Variants in DGKI observed in about 807,000 individuals in gnomAD.
DGKI encodes the protein diacylglycerol kinase iota.
In DGKI, 55 loss-of-function variants were observed where a neutral mutation model predicts 147.5. That is an observed-to-expected ratio of 0.37 (90% confidence interval 0.30 to 0.47). The LOEUF is 0.47. DGKI is among the 20% of genes least tolerant of loss of function. The pLI, the probability that DGKI is intolerant of heterozygous loss-of-function variation, is 1.00. For missense variants in DGKI, 1,007 were observed against 1,323.8 expected (o/e 0.76, Z 3.71); for synonymous variants, 469 against 477.1 (o/e 0.98, Z 0.22).
chr7:137,477,953 G>A (rs767716505), intron 23 of DGKI, among the ~76,000 whole-genome samples: 4 of 152,170 alleles, frequency 2.6e-5, no homozygotes, highest in East Asian at 1.9e-4. Context: ...GAGCCACTGC[G>A]CCCAGCTACA....
chr7:137,590,427 C>A (rs1819568285), intron 12 of DGKI, among the ~76,000 whole-genome samples: 1 of 152,190 alleles, frequency 6.6e-6, no homozygotes, highest in South Asian at 2.1e-4. Context: ...ATAGAAAAAC[C>A]CAGCTCTCAT....
intron 1 of DGKI, among the ~76,000 whole-genome samples, chr7:137,738,033 A>G (rs1043708384): frequency 6.6e-6 from 1 of 152,180 alleles, no homozygotes; most frequent in Non-Finnish European, 1.5e-5. Flanking sequence ...CTTTATTAAG[A>G]GTTTTCATGT....
In DGKI at chr7:137,476,218, G is replaced by A. The variant is rs138623630; in HGVS notation, c.2374-6599C>T. Among the ~76,000 whole-genome samples, 893 of 152,206 alleles carry A rather than the reference G, an allele frequency of 5.9e-3. 13 individuals carry two copies. The highest frequency in any genetic ancestry group is 8.5e-3 in the Admixed American group (130 of 15,288). On this transcript the variant is annotated intron_variant, in intron 23 of 32. Transcript: ENST00000614521. Reference sequence around the variant, plus strand: ...TCTTAGTCTTCCACCTACAGCTTCTGCCCTGACTCATCTCCACTGTCTGGC... The same window carrying A: ...TCTTAGTCTTCCACCTACAGCTTCTACCCTGACTCATCTCCACTGTCTGGC...
intron 2 of DGKI, among the ~76,000 whole-genome samples, chr7:137,686,723 G>A (rs1396924719): frequency 1.3e-5 from 2 of 152,186 alleles, no homozygotes; most frequent in Admixed American, 1.3e-4. Flanking sequence ...AAGTGCAGGT[G>A]CCTATAGTCT....
At chr7:137,807,881 T>A (rs1797431037) in intron 1 of DGKI, among the ~76,000 whole-genome samples, 1 of 151,940 alleles carries the variant, frequency 6.6e-6, no homozygotes, top group Non-Finnish European at 1.5e-5. Context: ...TGACCATGTC[T>A]CCCCCACTCA....
chr7:137,531,375 C>T (rs1585203896), intron 20 of DGKI, among the ~76,000 whole-genome samples: 1 of 152,118 alleles, frequency 6.6e-6, no homozygotes, highest in Non-Finnish European at 1.5e-5. Context: ...GATTCTATCA[C>T]AAAACACTAA....
rs1731951 is a variant in DGKI, at chr7:137,391,101, T to G, written c.*119A>C. 1 of 821,614 alleles carries G rather than the reference T, an allele frequency of 1.2e-6. No individual in the cohort carries two copies. The highest frequency in any genetic ancestry group is 2.1e-6 in the Non-Finnish European group (1 of 475,984). The allele number at this position is 821,614 out of a possible 1,614,324, so 50.9% of individuals were successfully genotyped here. A position where few individuals can be genotyped will look rare whatever the true frequency, so the allele number is the denominator to read the frequency against. On this transcript the variant is annotated 3_prime_UTR_variant, in exon 33 of 33. Coordinates refer to ENST00000614521, the MANE Select transcript of DGKI (RefSeq NM_001321708.2). ...AGCTAGTGGCATGGTCTCAGGTAGATTCTTGCAGGAGAGAGACAGATATAT... is the reference window on the plus strand; with the variant it reads ...AGCTAGTGGCATGGTCTCAGGTAGAGTCTTGCAGGAGAGAGACAGATATAT...
chr7:137,552,774 G>A (rs1394501871), intron 19 of DGKI, among the ~76,000 whole-genome samples: 1 of 151,216 alleles, frequency 6.6e-6, no homozygotes, highest in African/African-American at 2.5e-5. Context: ...AAAAAGCTGG[G>A]CATGGTGGCA....
chr7:137,458,103 C>T (rs1814275882), intron 27 of DGKI, among the ~76,000 whole-genome samples: 1 of 152,272 alleles, frequency 6.6e-6, no homozygotes, highest in South Asian at 2.1e-4. Context: ...TGCCTGACTT[C>T]AGTCACTGAA....
At chr7:137,754,848 G>C (rs1286929584) in intron 1 of DGKI, among the ~76,000 whole-genome samples, 2 of 152,202 alleles carry the variant, frequency 1.3e-5, no homozygotes, top group Non-Finnish European at 2.9e-5. Context: ...ACTCACAGCA[G>C]AGGGGTGGGA....
chr7:137,435,070 G>A (rs751412909), intron 28 of DGKI, among the ~76,000 whole-genome samples: 49 of 152,096 alleles, frequency 3.2e-4, no homozygotes, highest in Non-Finnish European at 6.0e-4. Context: ...TATTAATGAG[G>A]CTGCAATGGG....
At chr7:137,781,853 C>G (rs926380302) in intron 1 of DGKI, among the ~76,000 whole-genome samples, 1 of 152,178 alleles carries the variant, frequency 6.6e-6, no homozygotes, top group Admixed American at 6.5e-5. Context: ...ATGATGGCAT[C>G]CTACGAGTTG....
chr7:137,482,078 A>G (rs1052808898), intron 23 of DGKI, among the ~76,000 whole-genome samples: 4 of 152,240 alleles, frequency 2.6e-5, no homozygotes, highest in African/African-American at 7.2e-5. Context: ...AAGATTTAGT[A>G]TTAAATTTCC....
At chr7:137,516,599 T>G (rs929365011) in intron 21 of DGKI, among the ~76,000 whole-genome samples, 5 of 151,136 alleles carry the variant, frequency 3.3e-5, no homozygotes, top group African/African-American at 4.8e-5. Context: ...AATTCTGTTG[T>G]TTTTTTTTCT....
intron 1 of DGKI, among the ~76,000 whole-genome samples, chr7:137,724,458 T>C (rs1269919836): frequency 2.0e-5 from 3 of 152,182 alleles, no homozygotes; most frequent in Non-Finnish European, 4.4e-5. Context: ...ACTACAACAG[T>C]CCAGAAAGTG....
intron 23 of DGKI, 112 bp from the exon 24 acceptor site, chr7:137,469,731 T>A: frequency 1.2e-6 from 1 of 840,254 alleles, no homozygotes; most frequent in East Asian, 2.8e-5. Flanking sequence ...GAAGAGCAAA[T>A]CACATTTTTT....
chr7:137,505,597 A>G (rs768521908), intron 21 of DGKI, among the ~76,000 whole-genome samples: 17 of 151,746 alleles, frequency 1.1e-4, no homozygotes, highest in South Asian at 6.3e-4. Flanking sequence ...CATGAAATCA[A>G]TTGTTTCAGA....
chr7:137,786,137 G>T (rs796298895), intron 1 of DGKI, among the ~76,000 whole-genome samples: 51 of 152,248 alleles, frequency 3.3e-4, no homozygotes, highest in African/African-American at 1.1e-3. Flanking sequence ...TCAGGCAAGA[G>T]AAAGAAATAA....
intron 27 of DGKI, among the ~76,000 whole-genome samples, chr7:137,445,103 A>C (rs1048995036): frequency 1.3e-5 from 2 of 152,232 alleles, no homozygotes; most frequent in Non-Finnish European, 2.9e-5. Context: ...AATATTTATG[A>C]GACATGAAGA....
Sources: allele counts gnomAD v4.1 joint callset (sites outside exome capture counted in the v4.1 genomes callset), GRCh38; gene constraint gnomAD v4.1.1; transcripts MANE v1.5; gene names NCBI Gene and HGNC (gene_info 2026-07-23, HGNC 2026-07-21).